XRN1: variants seen among roughly 807,000 people sequenced by gnomAD.
The protein encoded by XRN1 is 5'-3' exoribonuclease 1.
A neutral mutation model predicts 222.3 loss-of-function variants in XRN1; 67 were observed. That is an observed-to-expected ratio of 0.30 (90% CI 0.25 to 0.37). XRN1 has a LOEUF of 0.37. Among genes scored for constraint, XRN1 ranks in the 10% least tolerant of loss-of-function variants. The pLI, the probability that XRN1 is intolerant of heterozygous loss-of-function variation, is 1.00. For missense variants in XRN1, 1,707 were observed against 2,000.2 expected, an observed-to-expected ratio of 0.85 and a Z score of 2.80; for synonymous variants, 643 against 652.4, an observed-to-expected ratio of 0.99 and a Z score of 0.22.
chr3:142,318,517 A>T (rs1229364970), intron 39 of XRN1, 75 bp downstream of exon 39: 15 of 1,315,752 alleles, frequency 1.1e-5, no homozygotes, highest in Non-Finnish European at 1.5e-5. Context: ...ATTTGAGTAC[A>T]TTCTTGATTT....
At chr3:142,339,029 G>A (rs548731530) in intron 33 of XRN1, among the ~76,000 whole-genome samples, 1 of 152,290 alleles carries the variant, frequency 6.6e-6, no homozygotes, top group African/African-American at 2.4e-5. Flanking sequence ...TCCCTAAAGG[G>A]AAGGACACAA....
chr3:142,428,318 C>T (rs1455738360), intron 2 of XRN1, among the ~76,000 whole-genome samples: 1 of 151,000 alleles, frequency 6.6e-6, no homozygotes, highest in Admixed American at 6.6e-5. Flanking sequence ...TCGCTTGAAC[C>T]CAGGGGGCAG....
intron 20 of XRN1, among the ~76,000 whole-genome samples, chr3:142,390,086 T>G (rs1023378287): frequency 1.3e-5 from 2 of 152,246 alleles, no homozygotes; most frequent in Non-Finnish European, 2.9e-5. Flanking sequence ...TGTTAACAGA[T>G]GTGCTGTCAT....
chr3:142,368,271 C>G (rs1388934039), intron 27 of XRN1, among the ~76,000 whole-genome samples: 1 of 152,112 alleles, frequency 6.6e-6, no homozygotes, highest in Non-Finnish European at 1.5e-5. Flanking sequence ...GCCTCAGCCT[C>G]CCGAGTAGCT....
At chr3:142,356,750 ATTCT>A (rs1433982251) in intron 31 of XRN1, among the ~76,000 whole-genome samples, 158 bp downstream of exon 31, 1 of 152,238 alleles carries the variant, frequency 6.6e-6, no homozygotes, top group Non-Finnish European at 1.5e-5. Context: ...TAGCAATAGC[ATTCT>A]TTATTAGCCT....
chr3:142,413,976 G>T (rs2068689583), intron 14 of XRN1, among the ~76,000 whole-genome samples, 159 bp downstream of exon 14: 1 of 152,122 alleles, frequency 6.6e-6, no homozygotes, highest in East Asian at 1.9e-4. Flanking sequence ...TGAAATCAAA[G>T]AATTACTTTT....
chr3:142,417,258 T>C (rs2068823857), intron 12 of XRN1, 29 bp from the exon 13 acceptor site: 1 of 1,602,502 alleles, frequency 6.2e-7, no homozygotes, highest in African/African-American at 1.3e-5. Context: ...CATTATAACA[T>C]ATTTTCTGAA....
intron 18 of XRN1, among the ~76,000 whole-genome samples, chr3:142,402,258 C>T (rs1386834075): frequency 2.0e-5 from 3 of 152,010 alleles, no homozygotes; most frequent in Non-Finnish European, 2.9e-5. Flanking sequence ...TTTTGGCTCA[C>T]TGCCACGTCC....
rs1168210647 is a variant in XRN1 at position 142,447,743 on chromosome 3, C to T, written c.75+127G>A. 1 of 1,129,858 alleles carries T rather than the reference C, an allele frequency of 8.9e-7. No individual in the cohort carries two copies. Among genetic ancestry groups the T allele is most frequent in the Non-Finnish European group, 1.3e-6 (1 of 784,820 alleles). 70.0% of individuals were successfully genotyped at this position (1,129,858 alleles called of 1,614,324 possible). ...CGTCCTCAAACCTTCCGTCCCCCTCCCTAATGCCACTAATCGTCCAGACGA... is the reference window on the plus strand; with the variant it reads ...CGTCCTCAAACCTTCCGTCCCCCTCTCTAATGCCACTAATCGTCCAGACGA... On this transcript the variant is annotated intron_variant, in intron 1 of 40. Transcript: ENST00000392981. The surrounding 1 kb of genome is among the most constrained non-coding windows in gnomAD (Gnocchi z 4.2).
intron 23 of XRN1, among the ~76,000 whole-genome samples, chr3:142,379,150 A>G (rs1474866551): frequency 6.6e-6 from 1 of 152,090 alleles, no homozygotes; most frequent in Admixed American, 6.6e-5. Flanking sequence ...GGGTGCCTGT[A>G]ATCCCAGCTA....
chr3:142,418,679 A>C, intron 11 of XRN1, 70 bp from the exon 12 acceptor site: 1 of 1,438,218 alleles, frequency 7.0e-7, no homozygotes, highest in Non-Finnish European at 9.6e-7. Context: ...TAATGATTTG[A>C]TAAATGCATA....
At chr3:142,375,773 T>C (rs376208490) in intron 25 of XRN1, 25 bp downstream of exon 25, 47 of 1,593,552 alleles carry the variant, frequency 2.9e-5, no homozygotes, top group African/African-American at 1.4e-4. Context: ...TTGGAATGAC[T>C]ACTAGTATCT....
rs143642073 is a variant in XRN1 at position 142,441,357 on chromosome 3, G to A, written c.75+6513C>T. Among the ~76,000 whole-genome samples, 782 of 152,328 alleles carry A rather than the reference G, an allele frequency of 5.1e-3. 9 individuals carry two copies. Among genetic ancestry groups the A allele is most frequent in the African/African-American group, 0.018 (760 of 41,574 alleles). ...TAAGATGGACACCTGAAGCAGAAGT[G>A]GCTTTCCAGGCCCTAAAGAAGGCCC... On this transcript the variant is annotated intron_variant, in intron 1 of 40. Transcript: ENST00000392981.
Position 142,448,010 on chromosome 3 carries a change from C to A in XRN1, c.-66G>T, listed in dbSNP as rs898539802. On this transcript the variant is annotated 5_prime_UTR_variant, in exon 1 of 41. Coordinates refer to ENST00000392981, the MANE Select transcript of XRN1 (RefSeq NM_001282857.2). ...ACCAAACGCCCCGCCGGGGCTCCGC[C>A]GCAGCCTCCGGTCGTCGCTCCGCGG... The A allele has an allele frequency of 4.5e-6, 7 of 1,545,836 alleles. No homozygotes were observed. The highest frequency in any genetic ancestry group is 1.7e-5 in the Admixed American group (1 of 59,034).
At chr3:142,380,917 G>T (rs951281786) in intron 22 of XRN1, among the ~76,000 whole-genome samples, 1 of 151,844 alleles carries the variant, frequency 6.6e-6, no homozygotes, top group African/African-American at 2.4e-5. Context: ...GCCTCTCAAT[G>T]TGCTGGGATT....
chr3:142,404,804 G>T, intron 16 of XRN1, 103 bp downstream of exon 16: 1 of 1,080,350 alleles, frequency 9.3e-7, no homozygotes, highest in Non-Finnish European at 1.4e-6. Flanking sequence ...TAAACTATTT[G>T]CTAATTCTCC....
Position 142,425,407 on chromosome 3 carries a change from TTAAA to T in XRN1, c.516+18_516+21del. 1 of 1,585,754 alleles carries T rather than the reference TTAAA, an allele frequency of 6.3e-7. No homozygotes were observed. The highest frequency in any genetic ancestry group is 1.4e-5 in the African/African-American group (1 of 73,034). On this transcript the variant is annotated intron_variant, in intron 4 of 40. Coordinates refer to ENST00000392981, the MANE Select transcript of XRN1 (RefSeq NM_001282857.2). ...ATATTAAATACTTTTTTTAAACTCTTTAAATAAAAAAAGATAATAACCTCATGGC... is the reference window on the plus strand; with the variant it reads ...ATATTAAATACTTTTTTTAAACTCTTTAAAAAAAGATAATAACCTCATGGC...
intron 22 of XRN1, among the ~76,000 whole-genome samples, chr3:142,381,125 G>GA (rs2067288886): frequency 6.7e-6 from 1 of 149,360 alleles, no homozygotes; most frequent in Admixed American, 6.7e-5. Context: ...AGAAAGAAAA[G>GA]AAAAAAAATT....
intron 32 of XRN1, among the ~76,000 whole-genome samples, chr3:142,350,381 C>T (rs2066271482): frequency 6.6e-6 from 1 of 151,974 alleles, no homozygotes; most frequent in African/African-American, 2.4e-5. Flanking sequence ...AGAAAGAAGA[C>T]CATTATGGCT....
Sources: gnomAD v4.1 joint callset for allele counts (sites outside exome capture counted in the v4.1 genomes callset) on GRCh38, gnomAD v4.1.1 for gene constraint, Gnocchi (gnomAD v3.1) non-coding constraint, MANE v1.5 for transcripts, NCBI Gene and HGNC (gene_info 2026-07-23, HGNC 2026-07-21) for gene names.